Variants in FAM25A observed in about 807,000 individuals in gnomAD.
The protein encoded by FAM25A is family with sequence similarity 25 member A.
Under a neutral mutation model 6.6 loss-of-function variants are expected in FAM25A, and 5 were observed. The observed-to-expected ratio is 0.75, with a 90% CI of 0.39 to 1.59. The LOEUF (loss-of-function observed/expected upper bound fraction) is 1.59, where lower values mean the gene tolerates loss of function less well. Ranked by LOEUF, FAM25A falls within the 40% of genes most tolerant of loss-of-function variation. The pLI is 0.02. For synonymous variants in FAM25A, 36 were observed against 41.3 expected, an observed-to-expected ratio of 0.87 and a Z score of 0.49; for missense variants, 93 against 109.7, an observed-to-expected ratio of 0.85 and a Z score of 0.68.
At chr10:87,024,262 T>C (rs1845357635) in intron 2 of FAM25A, among the ~76,000 whole-genome samples, 1 of 151,104 alleles carries the variant, frequency 6.6e-6, no homozygotes, top group Non-Finnish European at 1.5e-5. Context: ...AATATAAAAA[T>C]GGTCAAAAGA....
rs983122537 is a variant in FAM25A, at chr10:87,022,420, G to C, written c.136+44G>C. ...GGGCAGGGAAGGAGGGAGGGAGCAAGGGAAGCTAGGTGCTGGGCCAACCTG... is the reference window on the plus strand; with the variant it reads ...GGGCAGGGAAGGAGGGAGGGAGCAACGGAAGCTAGGTGCTGGGCCAACCTG... On this transcript the variant is annotated intron_variant, in intron 2 of 2. Transcript: ENST00000343959. 4.3e-5 allele frequency: 66 copies of C among 1,541,358 alleles called. No homozygotes were observed. The Admixed American group carries it at 1.3e-3, about 30-fold the overall frequency.
At chr10:87,022,186 G>A in intron 1 of FAM25A, 128 bp from the exon 2 acceptor site, 1 of 1,249,838 alleles carries the variant, frequency 8.0e-7, no homozygotes, top group Non-Finnish European at 1.1e-6. Context: ...CCATTGTGAG[G>A]ATAAGCCAGC....
At chr10:87,022,701 T>C (rs539263680) in intron 2 of FAM25A, among the ~76,000 whole-genome samples, 240 of 147,166 alleles carry the variant, frequency 1.6e-3, no homozygotes, top group African/African-American at 5.6e-3. Flanking sequence ...CTGAGGAGGG[T>C]GGATCACGAG....
intron 1 of FAM25A, among the ~76,000 whole-genome samples, chr10:87,020,833 T>G (rs147036630): frequency 0.01 from 1,567 of 152,290 alleles, 26 homozygotes; most frequent in African/African-American, 0.035. Flanking sequence ...ATTTTTATTT[T>G]TATTTGTATT....
intron 2 of FAM25A, among the ~76,000 whole-genome samples, chr10:87,023,479 G>A (rs1246891785): frequency 6.6e-6 from 1 of 152,168 alleles, no homozygotes; most frequent in Non-Finnish European, 1.5e-5. Context: ...CTAGCCCTTC[G>A]GGAGGCCAAG....
rs1415534434 is a variant in FAM25A, at chr10:87,024,695, C to T, written c.*21C>T. ...AGTGAGTGCACCTGCTACCACGGCC[C>T]TTCCCCAGTCTCAATAAAAAGCCAT... On this transcript the variant is annotated 3_prime_UTR_variant, in exon 3 of 3. Coordinates refer to ENST00000343959, the MANE Select transcript of FAM25A (RefSeq NM_001146157.3). 2.6e-6 allele frequency: 4 copies of T among 1,535,730 alleles called. No homozygotes were observed. In the Admixed American group the frequency reaches 5.9e-5, roughly 23 times the overall value.
At chr10:87,022,190 A>T in intron 1 of FAM25A, 124 bp from the exon 2 acceptor site, 1 of 1,276,878 alleles carries the variant, frequency 7.8e-7, no homozygotes, top group Non-Finnish European at 1.1e-6. Context: ...TGTGAGGATA[A>T]GCCAGCACTG....
chr10:87,021,715 G>A (rs1845330743), intron 1 of FAM25A, among the ~76,000 whole-genome samples: 1 of 152,222 alleles, frequency 6.6e-6, no homozygotes, highest in Non-Finnish European at 1.5e-5. Flanking sequence ...GAGGTGGAAG[G>A]TAGAGTTAGA....
At chr10:87,024,012 T>C (rs938107293) in intron 2 of FAM25A, among the ~76,000 whole-genome samples, 1 of 152,014 alleles carries the variant, frequency 6.6e-6, no homozygotes, top group African/African-American at 2.4e-5. Context: ...GGGGAAGACA[T>C]CATAAACATT....
intron 1 of FAM25A, among the ~76,000 whole-genome samples, chr10:87,021,442 T>G (rs1845328984): frequency 6.6e-6 from 1 of 152,198 alleles, no homozygotes; most frequent in Non-Finnish European, 1.5e-5. Flanking sequence ...AGCCGTATGT[T>G]TCTCATTCAC....
chr10:87,022,494 A>C, intron 2 of FAM25A, 118 bp downstream of exon 2: 2 of 1,232,380 alleles, frequency 1.6e-6, no homozygotes, highest in Non-Finnish European at 2.3e-6. Context: ...GCAGCCTTTC[A>C]GAGCCTCTTG....
intron 2 of FAM25A, among the ~76,000 whole-genome samples, 188 bp downstream of exon 2, chr10:87,022,564 C>T (rs1845339481): frequency 6.6e-6 from 1 of 152,192 alleles, no homozygotes; most frequent in African/African-American, 2.4e-5. Flanking sequence ...AGGGCACTGT[C>T]TAGATGGTTC....
chr10:87,020,523 T>C, intron 1 of FAM25A, 126 bp downstream of exon 1: 5 of 1,255,486 alleles, frequency 4.0e-6, no homozygotes, highest in Non-Finnish European at 5.5e-6. Flanking sequence ...GGAACCCTGG[T>C]CCCCTGCTCT....
At chr10:87,024,333 C>G (rs1265903745) in intron 2 of FAM25A, among the ~76,000 whole-genome samples, 1 of 152,052 alleles carries the variant, frequency 6.6e-6, no homozygotes, top group African/African-American at 2.4e-5. Context: ...AGTAGATGCT[C>G]AGTCTCACTC....
intron 1 of FAM25A, among the ~76,000 whole-genome samples, chr10:87,021,910 G>T (rs1361437957): frequency 6.6e-6 from 1 of 152,232 alleles, no homozygotes; most frequent in African/African-American, 2.4e-5. Flanking sequence ...CCTGAGAGGG[G>T]TGTGACCTGG....
At chr10:87,023,766 A>AATTT (rs10646505) in intron 2 of FAM25A, among the ~76,000 whole-genome samples, 88,404 of 150,904 alleles carry the variant, frequency 0.59, 26,195 homozygotes, top group East Asian at 0.84. Context: ...AAACAACAGA[A>AATTT]ATTTCTCACA....
At chr10:87,021,841 G>A (rs1398560754) in intron 1 of FAM25A, among the ~76,000 whole-genome samples, 2 of 152,242 alleles carry the variant, frequency 1.3e-5, no homozygotes, top group Non-Finnish European at 2.9e-5. Flanking sequence ...ATTGCTTTGA[G>A]AGACCTGGTT....
chr10:87,023,126 C>T (rs1362316787), intron 2 of FAM25A, among the ~76,000 whole-genome samples: 4 of 150,472 alleles, frequency 2.7e-5, no homozygotes, highest in Admixed American at 2.0e-4. Flanking sequence ...GAGGCTGAGG[C>T]AGGAGAATGG....
chr10:87,022,416 G>T, intron 2 of FAM25A, 40 bp downstream of exon 2: 1 of 1,511,540 alleles, frequency 6.6e-7, no homozygotes, highest in Non-Finnish European at 8.9e-7. Context: ...GAGGGAGGGA[G>T]CAAGGGAAGC....
Sources: gnomAD v4.1 joint callset for allele counts (sites outside exome capture counted in the v4.1 genomes callset) on GRCh38, gnomAD v4.1.1 for gene constraint, MANE v1.5 for transcripts, NCBI Gene and HGNC (gene_info 2026-07-23, HGNC 2026-07-21) for gene names.